HCFC1: variants seen among roughly 807,000 people sequenced by gnomAD.
The protein encoded by HCFC1 is host cell factor C1, also known as host cell factor 1.
Under a neutral mutation model 105.5 loss-of-function variants are expected in HCFC1, and 7 were observed. The observed-to-expected ratio is 0.07, with a 90% confidence interval of 0.04 to 0.12. The LOEUF (loss-of-function observed/expected upper bound fraction) is 0.12, where lower values mean the gene tolerates loss of function less well. Ranked by LOEUF, HCFC1 falls within the 10% of genes least tolerant of loss-of-function variation. The probability of loss-of-function intolerance (pLI) is 1.00; values close to 1 mark genes in which losing one functional copy is unlikely to be tolerated. For missense variants in HCFC1, 1,065 were observed against 1,823.6 expected, an observed-to-expected ratio of 0.58 and a Z score of 7.58; for synonymous variants, 918 against 828.1, an observed-to-expected ratio of 1.11 and a Z score of -1.86.
intron 9 of HCFC1, among the ~76,000 whole-genome samples, chrX:153,959,104 T>C (rs998905250): frequency 8.8e-6 from 1 of 113,131 alleles, no homozygotes. Context: ...AAAGTCCACG[T>C]GGCAAATGCT....
chrX:153,960,412 T>C lies in HCFC1; in HGVS notation c.907A>G (p.Thr303Ala). Residue 303 changes from threonine to alanine, a missense_variant and splice_region_variant, in exon 7 of 26, where the codon ACC becomes GCC. Around this residue, in one of 17 missense-constraint regions of HCFC1, gnomAD observed 18 missense variants for 40.1 expected, o/e 0.45. Coordinates refer to ENST00000310441, the MANE Select transcript of HCFC1 (RefSeq NM_005334.3). ...ATCAGGATGGTCTCCCAGGCCATGG[T>C]ATCTGGGGGAGGGCAGACAAGGGAG... The part of the protein sequence containing the change: ...TNTLACLNLD[T>A]MAWETILMDT... 1 of 1,182,647 alleles carries C rather than the reference T, an allele frequency of 8.5e-7. No homozygotes were observed. The highest frequency in any genetic ancestry group is 1.1e-6 in the Non-Finnish European group (1 of 876,987).
At chrX:153,957,271 A>G in intron 13 of HCFC1, 43 bp downstream of exon 13, 1 of 1,094,908 alleles carries the variant, frequency 9.1e-7, no homozygotes, top group Non-Finnish European at 1.2e-6. Flanking sequence ...TTTCCCCTCC[A>G]GTGAGGACTT....
chrX:153,961,408 G>C (rs1260439161), intron 6 of HCFC1, 134 bp downstream of exon 6: 1 of 453,699 alleles, frequency 2.2e-6, no homozygotes, highest in Non-Finnish European at 3.9e-6. Flanking sequence ...TCTGCCCACT[G>C]GATCCTTCCA....
Position 153,949,570 on chromosome X carries a change from G to C in HCFC1, c.6051C>G (p.Pro2017=), listed in dbSNP as rs1557111893. ...CTGCTTACATTTCTGGAGAGGACATGGGCCGCTTGTTGGCTGGCTTGGTGC... is the reference window on the plus strand; with the variant it reads ...CTGCTTACATTTCTGGAGAGGACATCGGCCGCTTGTTGGCTGGCTTGGTGC... ...SSGTKPANKR[P]MSSPEMKSAP... The change falls in exon 25 of 26, where the codon CCC becomes CCG. Residue 2017 remains proline, a synonymous_variant. Coordinates refer to ENST00000310441, the MANE Select transcript of HCFC1 (RefSeq NM_005334.3). 1.7e-6 allele frequency: 2 copies of C among 1,211,096 alleles called. No individual in the cohort carries two copies. The highest frequency in any genetic ancestry group is 2.2e-6 in the Non-Finnish European group (2 of 894,697).
chrX:153,964,043 A>G (rs2065453572), intron 3 of HCFC1, 81 bp downstream of exon 3: 2 of 898,654 alleles, frequency 2.2e-6, no homozygotes. Context: ...TGCTGCGCAC[A>G]TTCTTTAGGA....
intron 8 of HCFC1, 97 bp from the exon 9 acceptor site, chrX:153,959,588 G>T: frequency 9.6e-7 from 1 of 1,046,239 alleles, no homozygotes; most frequent in Non-Finnish European, 1.3e-6. Flanking sequence ...TGGCCTGCTT[G>T]TGTGGGAGTC....
intron 1 of HCFC1, 58 bp downstream of exon 1, chrX:153,970,590 G>A (rs1392319730): frequency 2.2e-5 from 19 of 848,357 alleles, no homozygotes; most frequent in Non-Finnish European, 3.2e-5. Flanking sequence ...AAAGAGGAGG[G>A]AGAGGGAGGA....
At position 153,954,331 on chromosome X, in the gene HCFC1, G is replaced by A. The variant is rs185998087; in HGVS notation, c.4068C>T (p.Pro1356=). Residue 1356 remains proline, a synonymous_variant, in exon 17 of 26, where the codon CCC becomes CCT. Coordinates refer to ENST00000310441, the MANE Select transcript of HCFC1 (RefSeq NM_005334.3). ...EGGQQPPAGR[P]CETHQTTSTG... Reference sequence around the variant, plus strand: ...TGGAAGTGGTCTGGTGTGTCTCACAGGGGCGACCAGCAGGGGGCTGCTGCC... The same window carrying A: ...TGGAAGTGGTCTGGTGTGTCTCACAAGGGCGACCAGCAGGGGGCTGCTGCC... 1,295 of 1,199,627 alleles carry A rather than the reference G, an allele frequency of 1.1e-3. 3 individuals are homozygous for A. Among genetic ancestry groups the A allele is most frequent in the Middle Eastern group, 6.3e-3 (27 of 4,284 alleles).
chrX:153,961,737 T>G, intron 5 of HCFC1, 89 bp from the exon 6 acceptor site: 1 of 649,262 alleles, frequency 1.5e-6, no homozygotes, highest in Non-Finnish European at 2.5e-6. Flanking sequence ...TAGAGCTCAG[T>G]CCTCTGGCTC....
chrX:153,951,138 C>T lies in HCFC1; in HGVS notation c.5518-140G>A, dbSNP rs2065306815. 1.4e-5 allele frequency: 10 copies of T among 690,082 alleles called. No individual in the cohort carries two copies. In the East Asian group the frequency reaches 1.6e-4, roughly 11 times the overall value. 56.9% of individuals were successfully genotyped at this position (690,082 alleles called of 1,213,427 possible). ...GCTGGCCCCTCACGGCAAGGAGGGA[C>T]GTGGCGAGGCTGACTGTGGCCCGGT... On this transcript the variant is annotated intron_variant, in intron 22 of 25. Coordinates refer to ENST00000310441, the MANE Select transcript of HCFC1 (RefSeq NM_005334.3).
intron 16 of HCFC1, 34 bp from the exon 17 acceptor site, chrX:153,955,576 G>A (rs1483589832): frequency 8.7e-7 from 1 of 1,146,048 alleles, no homozygotes; most frequent in Non-Finnish European, 1.2e-6. Flanking sequence ...AGTTAGTGCT[G>A]CAGCTGGCTG....
rs142362860 is a variant in HCFC1 at position 153,957,714 on chromosome X, A to G, written c.2133+68T>C. On this transcript the variant is annotated intron_variant, in intron 12 of 25. Transcript: ENST00000310441. ...CATGGGATCTTCCATGGGCAGGGAC[A>G]TGAGTTCTTCCTGTGGCCTGGCACC... The G allele has an allele frequency of 5.8e-3, 5,095 of 875,283 alleles. 18 individuals carry two copies. The highest frequency in any genetic ancestry group is 6.5e-3 in the Non-Finnish European group (3,894 of 600,940). 72.1% of individuals were successfully genotyped at this position (875,283 alleles called of 1,213,427 possible). A position where few individuals can be genotyped will look rare whatever the true frequency, so the allele number is the denominator to read the frequency against.
At position 153,954,231 on chromosome X, in the gene HCFC1, C is replaced by T; in HGVS notation, c.4168G>A (p.Gly1390Ser). 1 of 1,209,477 alleles carries T rather than the reference C, an allele frequency of 8.3e-7. No homozygotes were observed. The highest frequency in any genetic ancestry group is 2.2e-5 in the Admixed American group (1 of 45,841). ...CTGGGTGCCGCCGCCACCTCTAGGCCAGACTCCACGGTCCTGTGGGAAGAA... is the reference window on the plus strand; with the variant it reads ...CTGGGTGCCGCCGCCACCTCTAGGCTAGACTCCACGGTCCTGTGGGAAGAA... ...ATSSHRTVES[G>S]LEVAAAPSVT... is the part of the protein sequence containing the mutation. The change falls in exon 17 of 26, where the codon GGC becomes AGC. Residue 1390 changes from glycine (G) to serine (S), a missense_variant. Gly to Ser is a moderately conservative substitution (Grantham distance 56, BLOSUM62 0). Coordinates refer to ENST00000310441, the MANE Select transcript of HCFC1 (RefSeq NM_005334.3).
chrX:153,959,752 C>A, intron 8 of HCFC1, 50 bp downstream of exon 8: 1 of 1,143,137 alleles, frequency 8.7e-7, no homozygotes, highest in Non-Finnish European at 1.2e-6. Context: ...CGCTGCCTCT[C>A]CCCGGAGGCT....
intron 13 of HCFC1, 44 bp downstream of exon 13, chrX:153,957,270 C>T: frequency 9.2e-7 from 1 of 1,092,387 alleles, no homozygotes; most frequent in Non-Finnish European, 1.2e-6. Flanking sequence ...ATTTCCCCTC[C>T]AGTGAGGACT....
chrX:153,962,809 G>C (rs2065441664), intron 4 of HCFC1, among the ~76,000 whole-genome samples: 2 of 111,338 alleles, frequency 1.8e-5, no homozygotes, highest in Non-Finnish European at 3.8e-5. Context: ...CCACCACCTG[G>C]TGACCGGCCC....
chrX:153,966,052 T>C (rs2065471490), intron 1 of HCFC1, among the ~76,000 whole-genome samples: 1 of 110,705 alleles, frequency 9.0e-6, no homozygotes, highest in Non-Finnish European at 1.9e-5. Flanking sequence ...TACAAATAAT[T>C]TTAAAACACT....
chrX:153,954,680 G>C lies in HCFC1; in HGVS notation c.3719C>G (p.Ala1240Gly), dbSNP rs782749607. 6 of 1,204,895 alleles carry C rather than the reference G, an allele frequency of 5.0e-6. No homozygotes were observed. In the African/African-American group the frequency reaches 1.0e-4, roughly 21 times the overall value. The change falls in exon 17 of 26, where the codon GCT (alanine) becomes GGT (glycine). Residue 1240 changes from alanine (A) to glycine (G), a missense_variant. Ala to Gly is a moderately conservative substitution (Grantham distance 60). Around this residue, in one of 17 missense-constraint regions of HCFC1, gnomAD observed 546 missense variants for 599.9 expected, o/e 0.91. Transcript: ENST00000310441. ...ACCCACGCTGGAACGGGTCATGGCA[G>C]CGGTGCTGACCGCATGGCTGTGGCG... ...AGRHSHAVST[A>G]AMTRSSVGAG...
At chrX:153,956,870 TG>T in intron 14 of HCFC1, 47 bp downstream of exon 14, 5 of 1,203,955 alleles carry the variant, frequency 4.2e-6, no homozygotes, top group Non-Finnish European at 5.6e-6. Context: ...CGTGCTGGGG[TG>T]GACTGCACTA....
Sources: allele counts gnomAD v4.1 joint callset (sites outside exome capture counted in the v4.1 genomes callset), GRCh38; gene constraint gnomAD v4.1.1; regional missense constraint gnomAD v4.1.1; transcripts MANE v1.5; gene names NCBI Gene and HGNC (gene_info 2026-07-23, HGNC 2026-07-21).